The following TASP1 variants were observed in gnomAD, a reference collection of about 807,000 sequenced individuals.
TASP1 encodes the protein threonine aspartase 1.
A neutral mutation model predicts 56.6 loss-of-function variants in TASP1; 16 were observed. That is an observed-to-expected ratio of 0.28 (90% CI 0.19 to 0.43). The LOEUF is 0.43. Ranked by LOEUF, TASP1 falls within the 20% of genes least tolerant of loss-of-function variation. TASP1 has a pLI of 1.00. For synonymous variants in TASP1, 179 were observed against 184.2 expected (o/e 0.97, Z 0.23); for missense variants, 393 against 511.6 (o/e 0.77, Z 2.24).
At chr20:13,585,861 A>G (rs1451620482) in intron 5 of TASP1, among the ~76,000 whole-genome samples, 1 of 152,212 alleles carries the variant, frequency 6.6e-6, no homozygotes, top group Non-Finnish European at 1.5e-5. Flanking sequence ...GTGGCCAGGC[A>G]CAGTGGCTCA....
intron 13 of TASP1, among the ~76,000 whole-genome samples, chr20:13,399,410 A>G (rs560877671): frequency 1.3e-5 from 2 of 152,314 alleles, no homozygotes; most frequent in East Asian, 3.9e-4. Context: ...CTTGAAATTA[A>G]CATGTCCAGA....
chr20:13,479,651 C>T (rs998384398), intron 11 of TASP1, among the ~76,000 whole-genome samples: 3 of 152,066 alleles, frequency 2.0e-5, no homozygotes, highest in East Asian at 1.9e-4. Flanking sequence ...CTGGCCACCA[C>T]GCCCAGCTAA....
chr20:13,298,843 C>T, the TASP1 span: 10 of 1,196,940 alleles, frequency 8.4e-6, no homozygotes, highest in Non-Finnish European at 1.2e-5. Context: ...TGTCCTCCTG[C>T]GGGCCCTCAG....
chr20:13,171,715 G>A, the TASP1 span, among the ~76,000 whole-genome samples: 18 of 152,214 alleles, frequency 1.2e-4, no homozygotes, highest in African/African-American at 2.6e-4. Flanking sequence ...CATGGCTCTC[G>A]ATTGTGAATA....
At chr20:13,356,958 C>G in the TASP1 span, among the ~76,000 whole-genome samples, 59 of 152,334 alleles carry the variant, frequency 3.9e-4, no homozygotes, top group African/African-American at 1.3e-3. Flanking sequence ...AGAGTCACAA[C>G]TGTTAGCTTG....
At chr20:13,573,486 T>C (rs551508000) in intron 6 of TASP1, among the ~76,000 whole-genome samples, 48 of 152,352 alleles carry the variant, frequency 3.2e-4, no homozygotes, top group African/African-American at 1.1e-3. Flanking sequence ...TTTGTTATAG[T>C]AGAAACTCTC....
At chr20:13,468,060 A>C (rs766165926) in intron 11 of TASP1, among the ~76,000 whole-genome samples, 67 of 151,774 alleles carry the variant, frequency 4.4e-4, no homozygotes, top group Non-Finnish European at 8.7e-4. Flanking sequence ...AAAAACAAAA[A>C]ACAAAACCAC....
At chr20:13,273,215 T>TTTTTATTTTATTTTATTTTACTTTA in the TASP1 span, among the ~76,000 whole-genome samples, 1 of 130,704 alleles carries the variant, frequency 7.7e-6, no homozygotes, top group Middle Eastern at 3.6e-3. Context: ...ACTTGGGTCT[T>TTTTTATTTTATTTTATTTTACTTTA]TTTTATTTTA....
the TASP1 span, among the ~76,000 whole-genome samples, chr20:13,120,308 A>C: frequency 1.3e-5 from 2 of 152,208 alleles, no homozygotes; most frequent in African/African-American, 4.8e-5. Flanking sequence ...GGATTATTGC[A>C]AAATAGCTAG....
intron 11 of TASP1, among the ~76,000 whole-genome samples, chr20:13,435,500 G>GA (rs759356442): frequency 1.3e-5 from 2 of 152,122 alleles, no homozygotes; most frequent in African/African-American, 2.4e-5. Flanking sequence ...AACTCTTAGG[G>GA]ATCACTTACC....
At chr20:13,568,218 G>A (rs1464475765) in intron 7 of TASP1, among the ~76,000 whole-genome samples, 2 of 151,958 alleles carry the variant, frequency 1.3e-5, no homozygotes, top group Non-Finnish European at 2.9e-5. Flanking sequence ...TGCAATCATA[G>A]CCCACTGCAG....
intron 9 of TASP1, among the ~76,000 whole-genome samples, chr20:13,531,472 T>G (rs909494440): frequency 4.0e-5 from 6 of 151,122 alleles, no homozygotes; most frequent in African/African-American, 1.5e-4. Context: ...TAATTCAAAT[T>G]GCCATTTCTT....
At chr20:13,529,704 T>C (rs1295288790) in intron 9 of TASP1, among the ~76,000 whole-genome samples, 1 of 152,118 alleles carries the variant, frequency 6.6e-6, no homozygotes, top group Non-Finnish European at 1.5e-5. Flanking sequence ...AAAAAGATAC[T>C]CCCATAAAGC....
At chr20:13,571,729 T>A (rs2046720901) in intron 6 of TASP1, among the ~76,000 whole-genome samples, 2 of 152,206 alleles carry the variant, frequency 1.3e-5, no homozygotes, top group African/African-American at 4.8e-5. Context: ...AGGACCAGTG[T>A]AAAAACTAGG....
At chr20:13,507,682 C>T (rs140927942) in intron 10 of TASP1, among the ~76,000 whole-genome samples, 28 of 152,062 alleles carry the variant, frequency 1.8e-4, no homozygotes, top group African/African-American at 6.8e-4. Flanking sequence ...TGAATGTAAT[C>T]CTTATCAAAA....
Position 13,451,508 on chromosome 20 carries a change from T to C in TASP1, c.986-16354A>G, listed in dbSNP as rs944161198. Among the ~76,000 whole-genome samples the C allele has an allele frequency of 3.4e-4, 52 of 152,212 alleles. 2 individuals carry two copies. Among genetic ancestry groups the C allele is most frequent in the Admixed American group, 1.9e-3 (29 of 15,276 alleles). Reference sequence around the variant, plus strand: ...AGCTTCTCCATAAGGACTTGTTGCTTCTTCTTGCATTTTTATATTATGGAG... The same window carrying C: ...AGCTTCTCCATAAGGACTTGTTGCTCCTTCTTGCATTTTTATATTATGGAG... On this transcript the variant is annotated intron_variant, in intron 11 of 13. Transcript: ENST00000337743.
chr20:13,210,115 G>A, the TASP1 span, among the ~76,000 whole-genome samples: 2 of 152,096 alleles, frequency 1.3e-5, no homozygotes, highest in Non-Finnish European at 2.9e-5. Flanking sequence ...TTTGCATCTA[G>A]TTATTTTTTT....
At chr20:13,172,938 C>T in the TASP1 span, among the ~76,000 whole-genome samples, 1 of 152,106 alleles carries the variant, frequency 6.6e-6, no homozygotes, top group Admixed American at 6.5e-5. Flanking sequence ...GCTCAAGTCC[C>T]ACTGGGTGTC....
At chr20:13,113,415 C>T in the TASP1 span, among the ~76,000 whole-genome samples, 1 of 152,118 alleles carries the variant, frequency 6.6e-6, no homozygotes, top group Non-Finnish European at 1.5e-5. Flanking sequence ...ACAGAGCCCA[C>T]ATACATCAAT....
Sources: allele counts gnomAD v4.1 joint callset (sites outside exome capture counted in the v4.1 genomes callset), GRCh38; gene constraint gnomAD v4.1.1; transcripts MANE v1.5; gene names NCBI Gene and HGNC (gene_info 2026-07-23, HGNC 2026-07-21).